The following WHR1 variants were observed in gnomAD, a reference collection of about 807,000 sequenced individuals.
WHR1 encodes the protein winged helix repair factor 1.
At chr6:31,976,693 G>T in the WHR1 span, among the ~76,000 whole-genome samples, 3 of 152,238 alleles carry the variant, frequency 2.0e-5, no homozygotes, top group South Asian at 2.1e-4. Flanking sequence ...CAAGGCAGGC[G>T]GCTGGGAGGT....
chr6:31,977,655 T>TATATTAGTG, the WHR1 span, among the ~76,000 whole-genome samples: 1 of 151,372 alleles, frequency 6.6e-6, no homozygotes, highest in Non-Finnish European at 1.5e-5. Context: ...GGCCTATTTT[T>TATATTAGTG]GTATTTTTAA....
At chr6:31,972,510 A>G in the WHR1 span, 116 of 1,605,902 alleles carry the variant, frequency 7.2e-5, no homozygotes, top group African/African-American at 1.3e-3. The surrounding 1 kb of genome is among the most constrained non-coding windows in gnomAD (Gnocchi z 6.3). Context: ...GGGGTGAGCC[A>G]GGTAACCATG....
the WHR1 span, chr6:31,980,041 C>T: frequency 4.2e-6 from 1 of 236,162 alleles, no homozygotes; most frequent in Non-Finnish European, 8.3e-6. Flanking sequence ...TAGCACTGAT[C>T]TCACATGGGC....
chr6:31,976,175 G>A, the WHR1 span, among the ~76,000 whole-genome samples: 1 of 149,418 alleles, frequency 6.7e-6, no homozygotes, highest in Non-Finnish European at 1.5e-5. Context: ...CGGCTGGCCG[G>A]GCAGAGGGGC....
chr6:31,977,789 A>G, the WHR1 span, among the ~76,000 whole-genome samples: 1 of 147,822 alleles, frequency 6.8e-6, no homozygotes, highest in Non-Finnish European at 1.5e-5. Flanking sequence ...GCCCGGCCCC[A>G]GTTATTTTTA....
the WHR1 span, chr6:31,980,542 G>C: frequency 6.2e-7 from 1 of 1,612,694 alleles, no homozygotes; most frequent in African/African-American, 1.3e-5. Flanking sequence ...CAAGTACTTT[G>C]TTAAAGGTAT....
chr6:31,971,968 G>A, the WHR1 span: 4 of 1,583,232 alleles, frequency 2.5e-6, no homozygotes, highest in Non-Finnish European at 3.4e-6. The surrounding 1 kb of genome is among the most constrained non-coding windows in gnomAD (Gnocchi z 4.5). Context: ...GAGCTATGAC[G>A]TCATGGCAGG....
chr6:31,980,177 A>G, the WHR1 span: 2 of 466,424 alleles, frequency 4.3e-6, no homozygotes, highest in East Asian at 3.3e-5. Context: ...ACATGTGGTC[A>G]GGGAAGAGAA....
the WHR1 span, chr6:31,972,066 G>GGCGGGGGAGGTGTGAGCTTC: frequency 1.9e-6 from 3 of 1,612,740 alleles, no homozygotes; most frequent in Non-Finnish European, 2.5e-6. The surrounding 1 kb of genome is among the most constrained non-coding windows in gnomAD (Gnocchi z 6.3). Flanking sequence ...CCCCTCCCGG[G>GGCGGGGGAGGTGTGAGCTTC]GCGGGGGAGG....
chr6:31,971,531 G>C, the WHR1 span: 1 of 1,614,218 alleles, frequency 6.2e-7, no homozygotes, highest in Admixed American at 1.7e-5. This position sits in a 1 kb window ranked among gnomAD's most constrained non-coding sequence, Gnocchi z 4.5. Context: ...AAGCAGCCCA[G>C]TTCCGAAGGG....
At chr6:31,978,053 G>T in the WHR1 span, among the ~76,000 whole-genome samples, 1 of 152,246 alleles carries the variant, frequency 6.6e-6, no homozygotes, top group Admixed American at 6.5e-5. Flanking sequence ...CTCCCAAAGT[G>T]CCGGGATTAC....
At chr6:31,975,489 C>A in the WHR1 span, among the ~76,000 whole-genome samples, 1 of 151,678 alleles carries the variant, frequency 6.6e-6, no homozygotes, top group African/African-American at 2.4e-5. Context: ...GCATGATCCA[C>A]CGCACCCGGC....
At chr6:31,972,088 CGAA>C in the WHR1 span, 1,251 of 1,613,048 alleles carry the variant, frequency 7.8e-4, 1 homozygote, top group Admixed American at 4.4e-3. The surrounding 1 kb of genome is among the most constrained non-coding windows in gnomAD (Gnocchi z 6.3). Flanking sequence ...GTGAGCTTCA[CGAA>C]GGAGGTTGAC....
the WHR1 span, among the ~76,000 whole-genome samples, chr6:31,978,602 T>A: frequency 6.6e-6 from 1 of 152,232 alleles, no homozygotes; most frequent in Non-Finnish European, 1.5e-5. Flanking sequence ...GAATTTAGAC[T>A]GTTAATGTTT....
the WHR1 span, chr6:31,979,642 G>A: frequency 2.0e-6 from 3 of 1,524,110 alleles, no homozygotes; most frequent in South Asian, 3.7e-5. Flanking sequence ...TGTTTTTTTG[G>A]TGAACCTGCC....
the WHR1 span, chr6:31,972,752 C>T: frequency 1.9e-6 from 3 of 1,612,112 alleles, no homozygotes; most frequent in Admixed American, 1.7e-5. This position sits in a 1 kb window ranked among gnomAD's most constrained non-coding sequence, Gnocchi z 6.3. Flanking sequence ...GGCCGACCGG[C>T]AGCTGGTGAG....
At chr6:31,972,067 G>A in the WHR1 span, 1 of 1,612,762 alleles carries the variant, frequency 6.2e-7, no homozygotes, top group Non-Finnish European at 8.5e-7. This position sits in a 1 kb window ranked among gnomAD's most constrained non-coding sequence, Gnocchi z 6.3. Context: ...CCCTCCCGGG[G>A]CGGGGGAGGT....
chr6:31,978,787 T>C, the WHR1 span: 1 of 849,112 alleles, frequency 1.2e-6, no homozygotes, highest in East Asian at 2.7e-5. Context: ...TTTCCTTTAC[T>C]AAGAGAAAAT....
the WHR1 span, chr6:31,971,713 C>A: frequency 6.4e-7 from 1 of 1,562,466 alleles, no homozygotes; most frequent in Non-Finnish European, 8.6e-7. The surrounding 1 kb of genome is among the most constrained non-coding windows in gnomAD (Gnocchi z 4.5). Context: ...AGTTTCCATT[C>A]TACAGAGGAG....
Sources: allele counts gnomAD v4.1 joint callset (sites outside exome capture counted in the v4.1 genomes callset), GRCh38; gene constraint gnomAD v4.1.1; non-coding constraint Gnocchi (gnomAD v3.1); transcripts MANE v1.5; gene names NCBI Gene and HGNC (gene_info 2026-07-23, HGNC 2026-07-21).